Variants in KDM7A observed in about 807,000 individuals in gnomAD.
The protein encoded by KDM7A is lysine demethylase 7A, also known as lysine-specific demethylase 7A.
Under a neutral mutation model 114.8 loss-of-function variants are expected in KDM7A, and 28 were observed. The observed-to-expected ratio is 0.24, with a 90% CI of 0.18 to 0.33. The LOEUF (loss-of-function observed/expected upper bound fraction) is 0.33. KDM7A is among the 10% of genes least tolerant of loss of function. The pLI is 1.00. For missense variants in KDM7A, 942 were observed against 1,142.5 expected, an observed-to-expected ratio of 0.82 and a Z score of 2.53; for synonymous variants, 423 against 397.8, an observed-to-expected ratio of 1.06 and a Z score of -0.75.
intron 1 of KDM7A, among the ~76,000 whole-genome samples, chr7:140,166,816 C>T (rs554630963): frequency 1.3e-5 from 2 of 152,154 alleles, no homozygotes; most frequent in East Asian, 3.9e-4. Flanking sequence ...CAAATAGAGG[C>T]ATAAGAATGG....
At position 140,113,903 on chromosome 7, in the gene KDM7A, TCCAAAGTGCTGGGATTATAGGCATGAG is replaced by T. The variant is rs1818471543; in HGVS notation, c.1247-348_1247-322del. ...TCAAGCAGTCCTCCAGCCCTGGCCT[TCCAAAGTGCTGGGATTATAGGCATGAG>T]CCACTGTATCTGGCCAGATTTTAAA... On this transcript the variant is annotated intron_variant, in intron 9 of 19. Transcript: ENST00000397560. Among the ~76,000 whole-genome samples the T allele has an allele frequency of 2.0e-5, 3 of 152,188 alleles. No individual in the cohort carries two copies. In the South Asian group the frequency reaches 6.2e-4, roughly 32 times the overall value.
At position 140,133,520 on chromosome 7, in the gene KDM7A, T is replaced by C. The variant is rs1818823262; in HGVS notation, c.398+19A>G. On this transcript the variant is annotated intron_variant, in intron 3 of 19. Transcript: ENST00000397560. ...TCTTACATTCTTACATTTTCTTTTA[T>C]CAGAGTAAGTTTCCATACCTTGGGA... 1 of 1,315,442 alleles carries C rather than the reference T, an allele frequency of 7.6e-7. No individual in the cohort carries two copies. The highest frequency in any genetic ancestry group is 2.3e-5 in the East Asian group (1 of 43,458). 81.5% of individuals were successfully genotyped at this position (1,315,442 alleles called of 1,614,324 possible). A position where few individuals can be genotyped will look rare whatever the true frequency, so the allele number is the denominator to read the frequency against.
At chr7:140,165,615 G>A (rs145045122) in intron 1 of KDM7A, among the ~76,000 whole-genome samples, 6 of 152,214 alleles carry the variant, frequency 3.9e-5, no homozygotes, top group African/African-American at 1.4e-4. Flanking sequence ...ATCCCATCTA[G>A]GATGTGAATC....
At chr7:140,137,652 C>T (rs1328683873) in intron 2 of KDM7A, among the ~76,000 whole-genome samples, 1 of 152,138 alleles carries the variant, frequency 6.6e-6, no homozygotes, top group Non-Finnish European at 1.5e-5. Flanking sequence ...TTGCTAACCT[C>T]AATTTTTATG....
At chr7:140,102,970 CAT>C (rs1299121007) in intron 11 of KDM7A, among the ~76,000 whole-genome samples, 5 of 152,136 alleles carry the variant, frequency 3.3e-5, no homozygotes. Flanking sequence ...GTAACATAAA[CAT>C]AAAATCTGCC....
intron 3 of KDM7A, among the ~76,000 whole-genome samples, chr7:140,133,295 C>G (rs959951798): frequency 2.0e-5 from 3 of 152,136 alleles, no homozygotes; most frequent in Non-Finnish European, 2.9e-5. Flanking sequence ...AATGTTTTTA[C>G]AGGGTGACCC....
intron 10 of KDM7A, 105 bp from the exon 11 acceptor site, chr7:140,111,289 C>A: frequency 1.5e-6 from 1 of 663,976 alleles, no homozygotes; most frequent in Non-Finnish European, 2.6e-6. Flanking sequence ...CTGTTACAGA[C>A]ATCGCCAAAT....
intron 9 of KDM7A, among the ~76,000 whole-genome samples, chr7:140,115,852 A>G (rs569759536): frequency 7.6e-6 from 1 of 131,008 alleles, no homozygotes; most frequent in South Asian, 2.4e-4. Context: ...TAGTACAAGA[A>G]AAGTAAAAAA....
At chr7:140,154,551 G>C (rs2116840706) in intron 1 of KDM7A, among the ~76,000 whole-genome samples, 1 of 145,510 alleles carries the variant, frequency 6.9e-6, no homozygotes, top group African/African-American at 2.5e-5. Context: ...AGGAGTCAAA[G>C]TTATTCACAA....
rs546705675 is a variant in KDM7A at position 140,174,312 on chromosome 7, CA to C, written c.194+2431del. Among the ~76,000 whole-genome samples, 39 of 152,256 alleles carry C rather than the reference CA, an allele frequency of 2.6e-4. No homozygotes were observed. In the South Asian group the frequency reaches 8.1e-3, roughly 32 times the overall value. On this transcript the variant is annotated intron_variant, in intron 1 of 19. Coordinates refer to ENST00000397560, the MANE Select transcript of KDM7A (RefSeq NM_030647.2). ...TTGATGGTCAAAAAGACCCTGGGCT[CA>C]AAAAAACCTATTTTAGACTCACTTC...
At chr7:140,153,294 T>C (rs1794421514) in intron 1 of KDM7A, among the ~76,000 whole-genome samples, 1 of 151,634 alleles carries the variant, frequency 6.6e-6, no homozygotes, top group African/African-American at 2.4e-5. Flanking sequence ...GAGACCATCC[T>C]GGCTAACACA....
chr7:140,103,463 C>CG (rs1818270446), intron 11 of KDM7A, among the ~76,000 whole-genome samples: 2 of 148,242 alleles, frequency 1.3e-5, no homozygotes, highest in African/African-American at 2.4e-5. Context: ...CCCTCCCCCC[C>CG]CCTCCAACCC....
At chr7:140,134,650 G>A (rs147699814) in intron 2 of KDM7A, among the ~76,000 whole-genome samples, 2,154 of 151,588 alleles carry the variant, frequency 0.014, 23 homozygotes, top group Middle Eastern at 0.024. Flanking sequence ...ATTTAGAAAC[G>A]CATCAAAAAA....
chr7:140,164,561 T>C (rs1330928958), intron 1 of KDM7A, among the ~76,000 whole-genome samples: 1 of 152,228 alleles, frequency 6.6e-6, no homozygotes, highest in African/African-American at 2.4e-5. Context: ...TAATCACATG[T>C]GTGAACCTTA....
intron 11 of KDM7A, among the ~76,000 whole-genome samples, chr7:140,102,783 C>T (rs1403849818): frequency 6.6e-6 from 1 of 152,200 alleles, no homozygotes; most frequent in Non-Finnish European, 1.5e-5. Flanking sequence ...CGACAATGAA[C>T]ATTCTTTTCA....
chr7:140,110,359 TCTC>T (rs1818411425), intron 11 of KDM7A, among the ~76,000 whole-genome samples: 1 of 152,188 alleles, frequency 6.6e-6, no homozygotes, highest in Admixed American at 6.5e-5. Context: ...AACGTATTTT[TCTC>T]CTCTATCTGA....
intron 1 of KDM7A, among the ~76,000 whole-genome samples, chr7:140,173,645 A>C (rs2116864677): frequency 6.6e-6 from 1 of 152,278 alleles, no homozygotes; most frequent in South Asian, 2.1e-4. Context: ...TTGCTCCTCT[A>C]CAGATGGACC....
chr7:140,096,834 TAAAAAAAG>T (rs1818122512), intron 16 of KDM7A, 57 bp downstream of exon 16: 2 of 1,585,422 alleles, frequency 1.3e-6, no homozygotes, highest in African/African-American at 2.7e-5. Context: ...AATTTAAAAC[TAAAAAAAG>T]TGTTCATAGT....
At chr7:140,163,155 C>T (rs1013961217) in intron 1 of KDM7A, among the ~76,000 whole-genome samples, 3 of 151,802 alleles carry the variant, frequency 2.0e-5, no homozygotes, top group African/African-American at 4.8e-5. Context: ...CCATCATGCC[C>T]GACTAATTTT....
Sources: allele counts gnomAD v4.1 joint callset (sites outside exome capture counted in the v4.1 genomes callset), GRCh38; gene constraint gnomAD v4.1.1; transcripts MANE v1.5; gene names NCBI Gene and HGNC (gene_info 2026-07-23, HGNC 2026-07-21).